EIF2S3B: variants seen among roughly 807,000 people sequenced by gnomAD.
EIF2S3B encodes the protein eukaryotic translation initiation factor 2 subunit gamma B.
Under a neutral mutation model 26.4 loss-of-function variants are expected in EIF2S3B, and 16 were observed. That is an observed-to-expected ratio of 0.61 (90% CI 0.41 to 0.92). The LOEUF is 0.92. EIF2S3B is among the 40% of genes least tolerant of loss of function. EIF2S3B has a pLI of 0.00. For missense variants in EIF2S3B, 510 were observed against 575.5 expected (o/e 0.89, Z 1.16); for synonymous variants, 183 against 204.4 (o/e 0.90, Z 0.89).
chr12:10,512,723 A>G (rs1452468318), downstream of EIF2S3B, among the ~76,000 whole-genome samples: 3 of 152,136 alleles, frequency 2.0e-5, no homozygotes, highest in Non-Finnish European at 4.4e-5. Context: ...TATGTCCTAA[A>G]GAATCATCAT....
chr12:10,516,153 T>C (rs936621794), intron 1 of EIF2S3B, among the ~76,000 whole-genome samples: 1 of 152,044 alleles, frequency 6.6e-6, no homozygotes, highest in Non-Finnish European at 1.5e-5. Flanking sequence ...AACAACATAA[T>C]AAAATCATTT....
At chr12:10,509,110 A>G (rs571878121), downstream of EIF2S3B, among the ~76,000 whole-genome samples, 2 of 152,080 alleles carry the variant, frequency 1.3e-5, no homozygotes, top group African/African-American at 2.4e-5. Flanking sequence ...CTCTATATCT[A>G]TTGTTATTTT....
At chr12:10,517,944 G>C (rs1173863065) in intron 1 of EIF2S3B, among the ~76,000 whole-genome samples, 4 of 151,610 alleles carry the variant, frequency 2.6e-5, no homozygotes, top group Non-Finnish European at 5.9e-5. Flanking sequence ...TTAATCCTGA[G>C]TTCTAGTTTG....
At chr12:10,522,812 G>T in exon 2 of EIF2S3B, 1 of 527,662 alleles carries the variant, frequency 1.9e-6, no homozygotes, top group Non-Finnish European at 3.4e-6. Context: ...CACAATTATG[G>T]GAAGAACTTA....
At chr12:10,513,110 C>T (rs1255370200), downstream of EIF2S3B, among the ~76,000 whole-genome samples, 1 of 152,182 alleles carries the variant, frequency 6.6e-6, no homozygotes, top group African/African-American at 2.4e-5. Flanking sequence ...CATACCGAAT[C>T]CTATGTGATG....
downstream of EIF2S3B, among the ~76,000 whole-genome samples, chr12:10,512,771 A>G (rs1342629446): frequency 6.6e-6 from 1 of 152,004 alleles, no homozygotes; most frequent in Non-Finnish European, 1.5e-5. Flanking sequence ...TTTTCCTCTA[A>G]CATTTTCCCT....
Position 10,506,921 on chromosome 12 carries a change from G to A in EIF2S3B, c.1019G>A (p.Gly340Glu). The A allele has an allele frequency of 6.2e-7, 1 of 1,613,832 alleles. No individual in the cohort carries two copies. Among genetic ancestry groups the A allele is most frequent in the Non-Finnish European group, 8.5e-7 (1 of 1,179,716 alleles). Residue 340 changes from glycine to glutamate, a missense_variant, in exon 1 of 1, where the codon GGA (glycine) becomes GAA (glutamate). Coordinates refer to ENST00000538173, the MANE Select transcript of EIF2S3B (RefSeq NM_001357734.3). ...GCTCCAGGCGGTCTTATTGGAGTTG[G>A]AACAAAAATTGACCCCACTTTGTGC... Reference protein sequence around the residue: ...YAAPGGLIGVGTKIDPTLCRA... With the variant: ...YAAPGGLIGVETKIDPTLCRA...
intron 1 of EIF2S3B, among the ~76,000 whole-genome samples, chr12:10,520,948 A>G (rs1864824974): frequency 6.6e-6 from 1 of 152,230 alleles, no homozygotes; most frequent in African/African-American, 2.4e-5. Flanking sequence ...CAGAGATCCT[A>G]CATAGCTAAA....
At chr12:10,522,645 G>A (rs1864845197) in exon 2 of EIF2S3B, 2 of 696,728 alleles carry the variant, frequency 2.9e-6, no homozygotes, top group African/African-American at 3.5e-5. Context: ...ATTAGAATGG[G>A]GCCCAGTTCT....
chr12:10,509,363 TCTTAC>T (rs1864683673), downstream of EIF2S3B, among the ~76,000 whole-genome samples: 2 of 152,056 alleles, frequency 1.3e-5, no homozygotes, highest in South Asian at 4.1e-4. Context: ...TTTCCAACAA[TCTTAC>T]CTTTCTTCTG....
At chr12:10,510,773 G>C (rs1286944258), downstream of EIF2S3B, among the ~76,000 whole-genome samples, 1 of 152,086 alleles carries the variant, frequency 6.6e-6, no homozygotes, top group Non-Finnish European at 1.5e-5. Context: ...GATTACATTC[G>C]GAAATCTTGA....
At chr12:10,523,020 C>A (rs1864849393) in exon 2 of EIF2S3B, 2 of 157,452 alleles carry the variant, frequency 1.3e-5, no homozygotes, top group African/African-American at 2.4e-5. Flanking sequence ...TAGAATGCTA[C>A]TCTTTCTCAA....
exon 2 of EIF2S3B, chr12:10,522,761 T>C: frequency 1.6e-6 from 1 of 638,394 alleles, no homozygotes; most frequent in South Asian, 1.8e-5. Context: ...GCTCTGGAGA[T>C]TCTTTGCAGG....
chr12:10,513,182 G>A (rs1463766256), downstream of EIF2S3B, among the ~76,000 whole-genome samples: 1 of 151,896 alleles, frequency 6.6e-6, no homozygotes, highest in Admixed American at 6.6e-5. Context: ...ATTATTTTTT[G>A]TTTTTAATGT....
At chr12:10,514,574 C>T (rs1864736334) in intron 1 of EIF2S3B, among the ~76,000 whole-genome samples, 1 of 152,106 alleles carries the variant, frequency 6.6e-6, no homozygotes, top group Non-Finnish European at 1.5e-5. Flanking sequence ...AGTGATATAC[C>T]ACAAAGCACC....
chr12:10,506,210 G>A lies in EIF2S3B; in HGVS notation c.308G>A (p.Arg103Gln), dbSNP rs751091138. 34 of 1,589,842 alleles carry A rather than the reference G, an allele frequency of 2.1e-5. No individual in the cohort carries two copies. Among genetic ancestry groups the A allele is most frequent in the African/African-American group, 4.0e-5 (3 of 74,398 alleles). ...AGTTGCCCTCGGCCAGAATGTTATC[G>A]ATCTTGTGGGAGCAGTATGCCTGAT... is the stretch of plus-strand genomic sequence containing the variant. ...DPSCPRPECY[R>Q]SCGSSMPDEF... Residue 103 changes from arginine to glutamine, a missense_variant, in exon 1 of 1, where the codon CGA (arginine) becomes CAA (glutamine). Physicochemically the swap from Arg to Gln is conservative, Grantham distance 43. Coordinates refer to ENST00000538173, the MANE Select transcript of EIF2S3B (RefSeq NM_001357734.3).
intron 1 of EIF2S3B, among the ~76,000 whole-genome samples, chr12:10,519,663 GA>G (rs959820175): frequency 6.6e-6 from 1 of 151,898 alleles, no homozygotes; most frequent in African/African-American, 2.4e-5. Flanking sequence ...AAATTTACAG[GA>G]AAAAAACGAA....
intron 1 of EIF2S3B, among the ~76,000 whole-genome samples, chr12:10,518,831 T>C (rs1273535403): frequency 1.3e-5 from 2 of 151,866 alleles, no homozygotes; most frequent in Non-Finnish European, 2.9e-5. Flanking sequence ...CAAGGAGAAC[T>C]ACAAACCACT....
intron 1 of EIF2S3B, among the ~76,000 whole-genome samples, chr12:10,517,050 A>G (rs538741692): frequency 0.017 from 2,626 of 151,490 alleles, 35 homozygotes; most frequent in African/African-American, 0.06. Context: ...AATGTTCATC[A>G]AGGATATTGG....
Sources: gnomAD v4.1 joint callset for allele counts (sites outside exome capture counted in the v4.1 genomes callset) on GRCh38, gnomAD v4.1.1 for gene constraint, MANE v1.5 for transcripts, NCBI Gene and HGNC (gene_info 2026-07-23, HGNC 2026-07-21) for gene names.